Variants in GOSR2 observed in about 807,000 individuals in gnomAD.
The protein encoded by GOSR2 is golgi SNAP receptor complex member 2.
A neutral mutation model predicts 27.9 loss-of-function variants in GOSR2; 20 were observed. That is an observed-to-expected ratio of 0.72 (90% CI 0.50 to 1.04). The LOEUF (loss-of-function observed/expected upper bound fraction) is 1.04, where lower values mean the gene tolerates loss of function less well. Ranked by LOEUF, GOSR2 falls within the 50% of genes least tolerant of loss-of-function variation. The pLI is 0.00. For missense variants in GOSR2, 261 were observed against 270.5 expected, an observed-to-expected ratio of 0.97 and a Z score of 0.25; for synonymous variants, 91 against 98.8, an observed-to-expected ratio of 0.92 and a Z score of 0.47.
chr17:46,935,236 T>C, intron 5 of GOSR2, 67 bp downstream of exon 5: 4 of 1,610,472 alleles, frequency 2.5e-6, no homozygotes, highest in Non-Finnish European at 3.4e-6. Context: ...GTTTAGTAAC[T>C]GTGTTTATAT....
At chr17:46,944,638 T>C (rs1386611616), downstream of GOSR2, among the ~76,000 whole-genome samples, 1 of 151,638 alleles carries the variant, frequency 6.6e-6, no homozygotes, top group Non-Finnish European at 1.5e-5. Context: ...CTCATTCTGT[T>C]GCCCAGGCTG....
At chr17:46,927,421 G>C (rs1395486276) in intron 1 of GOSR2, among the ~76,000 whole-genome samples, 1 of 152,126 alleles carries the variant, frequency 6.6e-6, no homozygotes, top group Non-Finnish European at 1.5e-5. Context: ...GGTTTTGTGG[G>C]GGTGGGTAGT....
At chr17:46,966,796 G>A (rs1292257703) in exon 7 of GOSR2, 4 of 428,396 alleles carry the variant, frequency 9.3e-6, no homozygotes, top group African/African-American at 8.1e-5. Context: ...ATTATTTGAT[G>A]TGGCCGATGA....
At chr17:46,965,730 C>T (rs1276484021) in intron 6 of GOSR2, among the ~76,000 whole-genome samples, 1 of 152,122 alleles carries the variant, frequency 6.6e-6, no homozygotes, top group Non-Finnish European at 1.5e-5. Flanking sequence ...TCAATTGATC[C>T]TCCCACCTTA....
chr17:46,932,253 G>A (rs1301484357), intron 4 of GOSR2, 54 bp downstream of exon 4: 1 of 1,606,570 alleles, frequency 6.2e-7, no homozygotes, highest in South Asian at 1.1e-5. Context: ...CGTGGGGGCT[G>A]GAGTTCAGAT....
At chr17:46,949,817 C>G (rs1292860414) in intron 6 of GOSR2, among the ~76,000 whole-genome samples, 1 of 152,114 alleles carries the variant, frequency 6.6e-6, no homozygotes, top group Non-Finnish European at 1.5e-5. Flanking sequence ...AAGGGGTGTG[C>G]TCTGGGAAGG....
downstream of GOSR2, among the ~76,000 whole-genome samples, chr17:46,945,732 G>T (rs1312305552): frequency 6.6e-6 from 1 of 152,150 alleles, no homozygotes; most frequent in Admixed American, 6.5e-5. Flanking sequence ...AGTTTCTTGT[G>T]CCCCAGGCAT....
chr17:46,948,282 A>G (rs995216050), intron 6 of GOSR2, among the ~76,000 whole-genome samples: 2 of 152,198 alleles, frequency 1.3e-5, no homozygotes, highest in African/African-American at 4.8e-5. Flanking sequence ...TAAAGTGCCT[A>G]CTGCACAGCC....
chr17:46,943,130 C>T (rs1210760197), downstream of GOSR2, among the ~76,000 whole-genome samples: 3 of 152,170 alleles, frequency 2.0e-5, no homozygotes, highest in East Asian at 1.9e-4. Context: ...AATACAAGAA[C>T]ATCAACCCAA....
intron 5 of GOSR2, 98 bp from the exon 6 acceptor site, chr17:46,938,501 G>C (rs1294847555): frequency 6.3e-7 from 1 of 1,588,206 alleles, no homozygotes; most frequent in Admixed American, 1.7e-5. Flanking sequence ...ATGACCAAGA[G>C]AATGTCTGTT....
chr17:46,964,948 T>G (rs1213857254), intron 6 of GOSR2: 1 of 152,224 alleles, frequency 6.6e-6, no homozygotes, highest in East Asian at 1.9e-4. Context: ...CTTTCCAAGG[T>G]GATGTGGCCT....
Position 46,931,139 on chromosome 17 carries a change from C to G in GOSR2, c.135C>G (p.Phe45Leu). Residue 45 changes from phenylalanine (F) to leucine (L), a missense_variant, in exon 3 of 6, where the codon TTC (phenylalanine) becomes TTG (leucine). Coordinates refer to ENST00000640051, the MANE Select transcript of GOSR2 (RefSeq NM_004287.5). ...NEIQASIDQI[F>L]SRLERLEILS... is the part of the protein sequence containing the mutation. ...TCCAAGCAAGCATAGACCAGATATTCAGCCGTCTAGAACGTCTGGAGATTT... is the reference window on the plus strand; with the variant it reads ...TCCAAGCAAGCATAGACCAGATATTGAGCCGTCTAGAACGTCTGGAGATTT... 2 of 1,611,026 alleles carry G rather than the reference C, an allele frequency of 1.2e-6. No individual in the cohort carries two copies. Among genetic ancestry groups the G allele is most frequent in the Non-Finnish European group, 1.7e-6 (2 of 1,177,312 alleles).
intron 6 of GOSR2, chr17:46,964,453 A>G (rs577922377): frequency 1.3e-5 from 2 of 152,348 alleles, no homozygotes; most frequent in African/African-American, 4.8e-5. Context: ...AGAACAGAAC[A>G]TGGCCTAGGA....
At position 46,941,393 on chromosome 17, in the gene GOSR2, AT is replaced by A; in HGVS notation, c.*2638del. 1.0e-6 allele frequency: 1 copy of A among 982,668 alleles called. No homozygotes were observed. Among genetic ancestry groups the A allele is most frequent in the Non-Finnish European group, 1.2e-6 (1 of 827,422 alleles). 60.9% of individuals were successfully genotyped at this position (982,668 alleles called of 1,614,324 possible). ...CATTTTGTAAAAGAATTCGATATTC[AT>A]TTTTATAACTAATGGCCCCCTTTTT... On this transcript the variant is annotated 3_prime_UTR_variant, in exon 6 of 6. Transcript: ENST00000640051.
downstream of GOSR2, among the ~76,000 whole-genome samples, chr17:46,945,473 C>T (rs1435771669): frequency 6.6e-6 from 1 of 152,162 alleles, no homozygotes; most frequent in Non-Finnish European, 1.5e-5. Flanking sequence ...GCGTAGAATC[C>T]TGACTTTGCT....
chr17:46,965,997 A>G (rs2091302224), intron 6 of GOSR2, among the ~76,000 whole-genome samples: 2 of 151,542 alleles, frequency 1.3e-5, no homozygotes, highest in African/African-American at 2.4e-5. Context: ...TTAGCCCACC[A>G]TCTTGACCTA....
chr17:46,935,763 C>T, intron 5 of GOSR2: 2 of 987,164 alleles, frequency 2.0e-6, no homozygotes, highest in Non-Finnish European at 2.4e-6. Flanking sequence ...CCAGTTGGCA[C>T]TGCTGAGACT....
chr17:46,931,675 T>C, intron 3 of GOSR2: 1 of 280,196 alleles, frequency 3.6e-6, no homozygotes, highest in Non-Finnish European at 6.7e-6. Flanking sequence ...CAGCGCCTGT[T>C]TCCAAAAGTT....
At chr17:46,946,683 T>C (rs4968287), downstream of GOSR2, among the ~76,000 whole-genome samples, 66,200 of 151,614 alleles carry the variant, frequency 0.44, 14,819 homozygotes, top group South Asian at 0.52. Context: ...GCCAACATGG[T>C]GAAACCCCGT....
Sources: gnomAD v4.1 joint callset for allele counts (sites outside exome capture counted in the v4.1 genomes callset) on GRCh38, gnomAD v4.1.1 for gene constraint, MANE v1.5 for transcripts, NCBI Gene and HGNC (gene_info 2026-07-23, HGNC 2026-07-21) for gene names.